CNTRL: variants seen among roughly 807,000 people sequenced by gnomAD.
The protein encoded by CNTRL is centriolin.
A neutral mutation model predicts 303.7 loss-of-function variants in CNTRL; 233 were observed. The ratio of observed to expected loss-of-function variants is 0.77; its 90% CI spans 0.69 to 0.86. The LOEUF (loss-of-function observed/expected upper bound fraction) is 0.86, where lower values mean the gene tolerates loss of function less well. Ranked by LOEUF, CNTRL falls within the 40% of genes least tolerant of loss-of-function variation. The probability of loss-of-function intolerance (pLI) is 0.00; values close to 1 mark genes in which losing one functional copy is unlikely to be tolerated. For synonymous variants in CNTRL, 900 were observed against 922.2 expected (o/e 0.98, Z 0.44); for missense variants, 2,524 against 2,650.6 (o/e 0.95, Z 1.05).
Position 121,101,663 on chromosome 9 carries a change from CAA to C in CNTRL, c.808+3093_808+3094del, listed in dbSNP as rs201873321. On this transcript the variant is annotated intron_variant, in intron 7 of 43. Transcript: ENST00000373855. ...ATAGGTAGACCCCTAGCAAGACTAA[CAA>C]AGAAGAAAAGAGAGAAGAATCAAAT... Among the ~76,000 whole-genome samples, 982 of 151,736 alleles carry C rather than the reference CAA, an allele frequency of 6.5e-3. 11 individuals carry two copies. Among genetic ancestry groups the C allele is most frequent in the African/African-American group, 0.02 (812 of 41,368 alleles).
intron 1 of CNTRL, among the ~76,000 whole-genome samples, chr9:121,078,918 C>G (rs1392038671): frequency 6.6e-6 from 1 of 152,226 alleles, no homozygotes; most frequent in Non-Finnish European, 1.5e-5. Flanking sequence ...GTCCAGCTTT[C>G]TGGAGGCTCC....
intron 43 of CNTRL, 65 bp from the exon 44 acceptor site, chr9:121,177,098 A>T: frequency 7.7e-7 from 1 of 1,300,330 alleles, no homozygotes; most frequent in Non-Finnish European, 1.1e-6. Flanking sequence ...TCATGCCATC[A>T]CTTAGTTAAG....
rs780608902 is a variant in CNTRL, at chr9:121,150,433, T to G, written c.3913T>G (p.Phe1305Val). ...GPPPPNFSIP[F>V]IPMGVLHCNV... ...TCCACCCCCCAACTTCTCCATCCCC[T>G]TCATCCCTATGGGTGTGCTGCATTG... Residue 1305 changes from phenylalanine (F) to valine (V), a missense_variant, in exon 25 of 44, where the codon TTC (phenylalanine) becomes GTC (valine). Coordinates refer to ENST00000373855, the MANE Select transcript of CNTRL (RefSeq NM_007018.6). 1 of 1,614,126 alleles carries G rather than the reference T, an allele frequency of 6.2e-7. No homozygotes were observed. The highest frequency in any genetic ancestry group is 8.5e-7 in the Non-Finnish European group (1 of 1,180,020).
In CNTRL at chr9:121,154,795, A is replaced by C. The variant is rs1588286552; in HGVS notation, c.4247A>C (p.Asp1416Ala). 1.2e-6 allele frequency: 2 copies of C among 1,612,778 alleles called. No individual in the cohort carries two copies. The highest frequency in any genetic ancestry group is 1.7e-6 in the Non-Finnish European group (2 of 1,178,740). The change falls in exon 27 of 44, where the codon GAT (aspartate) becomes GCT (alanine). Residue 1416 changes from aspartate (D) to alanine (A), a missense_variant. By Grantham distance (126) the Asp-to-Ala change is moderately radical. Transcript: ENST00000373855. ...GAAAAATCACTCAAACATCATGAAGATATTGTAGATGAAATTGAGTGCATT... is the reference window on the plus strand; with the variant it reads ...GAAAAATCACTCAAACATCATGAAGCTATTGTAGATGAAATTGAGTGCATT... Reference protein sequence around the residue: ...EIEKSLKHHEDIVDEIECIEK... With the variant: ...EIEKSLKHHEAIVDEIECIEK...
intron 11 of CNTRL, among the ~76,000 whole-genome samples, chr9:121,116,332 T>C (rs2049973478): frequency 6.6e-6 from 1 of 152,154 alleles, no homozygotes; most frequent in South Asian, 2.1e-4. Flanking sequence ...ATAAAGAGTC[T>C]TGAGGTTAAA....
rs765002655 is a variant in CNTRL, at chr9:121,157,835, C to G, written c.4592C>G (p.Ser1531Ter). 3.7e-6 allele frequency: 6 copies of G among 1,614,136 alleles called. No individual in the cohort carries two copies. Among genetic ancestry groups the G allele is most frequent in the Non-Finnish European group, 5.1e-6 (6 of 1,180,034 alleles). ...EINKIVAAKD[S>*]DFQCLSKKKE... ...AACAAAATTGTAGCAGCAAAAGACT[C>G]AGACTTCCAATGTTTAAGCAAGAAG... Residue 1531 changes from serine to a stop codon, truncating the protein, a stop_gained, in exon 29 of 44, where the codon TCA becomes TGA. Coordinates refer to ENST00000373855, the MANE Select transcript of CNTRL (RefSeq NM_007018.6). LOFTEE classifies it high-confidence loss of function.
Position 121,088,449 on chromosome 9 carries a change from A to G in CNTRL, c.123A>G (p.Ser41=), listed in dbSNP as rs150828591. Residue 41 remains serine, a synonymous_variant, in exon 3 of 44, where the codon TCA becomes TCG. Transcript: ENST00000373855. ...RSRSLSPLIG[S]ETLPFHSGGQ... The stretch of plus-strand genomic sequence containing the variant: ...GGTCACTTTCACCTTTGATTGGATC[A>G]GAGACTCTACCTTTTCATTCTGGAG... The G allele has an allele frequency of 1.5e-4, 239 of 1,612,618 alleles. No homozygotes were observed. In the African/African-American group the frequency reaches 2.9e-3, roughly 20 times the overall value.
intron 2 of CNTRL, among the ~76,000 whole-genome samples, chr9:121,083,344 C>T (rs1327110345): frequency 6.6e-6 from 1 of 152,048 alleles, no homozygotes; most frequent in Non-Finnish European, 1.5e-5. Flanking sequence ...TTCTTTATAA[C>T]CTTATTCTAT....
Position 121,162,261 on chromosome 9 carries a change from C to G in CNTRL, c.5413C>G (p.Gln1805Glu). 1.9e-6 allele frequency: 3 copies of G among 1,613,708 alleles called. No homozygotes were observed. Among genetic ancestry groups the G allele is most frequent in the Non-Finnish European group, 2.5e-6 (3 of 1,179,752 alleles). Residue 1805 changes from glutamine (Q) to glutamate (E), a missense_variant, in exon 34 of 44, where the codon CAA becomes GAA. Transcript: ENST00000373855. ...KCDIWEKKLA[Q>E]TKRVLAAAEE... ...TGACATTTGGGAAAAAAAGTTGGCACAAACCAAAAGGTGAGAGCAAGAACA... is the reference window on the plus strand; with the variant it reads ...TGACATTTGGGAAAAAAAGTTGGCAGAAACCAAAAGGTGAGAGCAAGAACA...
intron 11 of CNTRL, among the ~76,000 whole-genome samples, chr9:121,117,471 T>A (rs2050030659): frequency 6.6e-6 from 1 of 152,224 alleles, no homozygotes; most frequent in Non-Finnish European, 1.5e-5. Context: ...ATGTCAATAC[T>A]CAATTTATTG....
At chr9:121,158,631 T>G in intron 30 of CNTRL, 6 of 458,352 alleles carry the variant, frequency 1.3e-5, no homozygotes, top group East Asian at 7.1e-5. Context: ...ATGATTATCA[T>G]ATTGTTGTTC....
rs1588250640 is a variant in CNTRL at position 121,145,479 on chromosome 9, G to T, written c.3310+94G>T. On this transcript the variant is annotated intron_variant, in intron 22 of 43. Transcript: ENST00000373855. ...TTTACCTTTAACTGTTACAAATCAA[G>T]TCCATGCTTGATTCAGAGAGCTGTG... 2.4e-6 allele frequency: 3 copies of T among 1,249,584 alleles called. No homozygotes were observed. In the East Asian group the frequency reaches 7.5e-5, roughly 31 times the overall value. 77.4% of individuals were successfully genotyped at this position (1,249,584 alleles called of 1,614,324 possible).
intron 7 of CNTRL, among the ~76,000 whole-genome samples, chr9:121,104,258 T>A (rs534409008): frequency 1.3e-5 from 2 of 152,184 alleles, no homozygotes; most frequent in African/African-American, 4.8e-5. Context: ...CATCATTCTT[T>A]GCAAACTGTC....
chr9:121,084,079 AT>A (rs992758394), intron 2 of CNTRL, among the ~76,000 whole-genome samples: 1 of 152,066 alleles, frequency 6.6e-6, no homozygotes, highest in African/African-American at 2.4e-5. Flanking sequence ...ATTTCATTAA[AT>A]TTTTTTTCTA....
chr9:121,167,559 G>T lies in CNTRL; in HGVS notation c.5726G>T (p.Ser1909Ile). 3 of 1,614,118 alleles carry T rather than the reference G, an allele frequency of 1.9e-6. No individual in the cohort carries two copies. In the South Asian group the frequency reaches 3.3e-5, roughly 18 times the overall value. The change falls in exon 37 of 44, where the codon AGT (serine) becomes ATT (isoleucine). Residue 1909 changes from serine to isoleucine, a missense_variant. Coordinates refer to ENST00000373855, the MANE Select transcript of CNTRL (RefSeq NM_007018.6). ...SEQTRLQKDI[S>I]EWANRFEDCQ... is the part of the protein sequence containing the mutation. ...CAGACCCGACTCCAGAAGGACATCA[G>T]TGAATGGGCAAATAGGTTTGAAGAC...
In CNTRL at chr9:121,135,893, G is replaced by A; in HGVS notation, c.2113G>A (p.Glu705Lys). The change falls in exon 15 of 44, where the codon GAA becomes AAA. Residue 705 changes from glutamate to lysine, a missense_variant. Transcript: ENST00000373855. The stretch of plus-strand genomic sequence containing the variant: ...GACCCAGGGAGATCTCAGTGCCTAT[G>A]AAGCTGAGCTAGAGGCTCGGCTAAA... ...QQTQGDLSAY[E>K]AELEARLNLR... 1 of 1,614,118 alleles carries A rather than the reference G, an allele frequency of 6.2e-7. No homozygotes were observed. The highest frequency in any genetic ancestry group is 8.5e-7 in the Non-Finnish European group (1 of 1,179,992).
intron 32 of CNTRL, 46 bp from the exon 33 acceptor site, chr9:121,161,810 C>T: frequency 7.3e-7 from 1 of 1,369,746 alleles, no homozygotes; most frequent in Non-Finnish European, 1.0e-6. Context: ...AAATGTTTTC[C>T]AAGTTCATTT....
intron 15 of CNTRL, among the ~76,000 whole-genome samples, chr9:121,136,483 G>C (rs978034727): frequency 7.2e-5 from 11 of 151,950 alleles, no homozygotes; most frequent in Non-Finnish European, 1.6e-4. Flanking sequence ...CCAATTTTTT[G>C]TATGTTAGTA....
chr9:121,166,305 G>A, intron 36 of CNTRL, 125 bp downstream of exon 36: 1 of 603,538 alleles, frequency 1.7e-6, no homozygotes, highest in Admixed American at 3.6e-5. Context: ...GGCCATTTAT[G>A]TAACATAACC....
Sources: gnomAD v4.1 joint callset for allele counts (sites outside exome capture counted in the v4.1 genomes callset) on GRCh38, gnomAD v4.1.1 for gene constraint, MANE v1.5 for transcripts, NCBI Gene and HGNC (gene_info 2026-07-23, HGNC 2026-07-21) for gene names.